Variants in LOC102723971 observed in about 807,000 individuals in gnomAD.
chr9:135,615,466 C>T, the LOC102723971 span: 57 of 398,726 alleles, frequency 1.4e-4, 1 homozygote, highest in African/African-American at 1.1e-3. Flanking sequence ...GGACCAGGGA[C>T]GGCGGGGACG....
the LOC102723971 span, chr9:135,616,709 C>A: frequency 2.5e-6 from 1 of 398,616 alleles, no homozygotes; most frequent in Non-Finnish European, 4.4e-6. Flanking sequence ...TGGGGAGGGG[C>A]GAGCAAGGGG....
chr9:135,617,687 A>C, the LOC102723971 span, among the ~76,000 whole-genome samples: 23,791 of 152,014 alleles, frequency 0.16, 1,932 homozygotes, highest in East Asian at 0.18. Context: ...GGGGCATTTT[A>C]CCTGCCGTGC....
At chr9:135,614,649 C>A in the LOC102723971 span, among the ~76,000 whole-genome samples, 2 of 152,120 alleles carry the variant, frequency 1.3e-5, no homozygotes, top group South Asian at 2.1e-4. Flanking sequence ...GGGCGGCAGC[C>A]GGAGAAACAG....
At chr9:135,616,743 G>C in the LOC102723971 span, 1 of 398,604 alleles carries the variant, frequency 2.5e-6, no homozygotes, top group Non-Finnish European at 4.4e-6. Flanking sequence ...AGTCCCGGCC[G>C]CAACACTCAG....
chr9:135,618,195 C>T, the LOC102723971 span, among the ~76,000 whole-genome samples: 1 of 152,190 alleles, frequency 6.6e-6, no homozygotes, highest in Admixed American at 6.5e-5. Flanking sequence ...CAGGGGCTGC[C>T]GGATCTTACC....
At chr9:135,619,889 C>A in the LOC102723971 span, among the ~76,000 whole-genome samples, 1 of 110,242 alleles carries the variant, frequency 9.1e-6, no homozygotes, top group South Asian at 4.5e-4. Context: ...TCCCCAATCT[C>A]CCCCGTCTCC....
the LOC102723971 span, among the ~76,000 whole-genome samples, chr9:135,615,680 G>A: frequency 5.3e-5 from 8 of 152,338 alleles, no homozygotes; most frequent in South Asian, 2.1e-4. Flanking sequence ...CACACAGCCC[G>A]GCCCCGGAGG....
At chr9:135,619,374 C>A in the LOC102723971 span, among the ~76,000 whole-genome samples, 1 of 152,126 alleles carries the variant, frequency 6.6e-6, no homozygotes, top group Admixed American at 6.5e-5. Flanking sequence ...GCCTCCGATG[C>A]ACCCCCCTCC....
chr9:135,615,887 G>C, the LOC102723971 span, among the ~76,000 whole-genome samples: 1 of 152,232 alleles, frequency 6.6e-6, no homozygotes, highest in African/African-American at 2.4e-5. Flanking sequence ...AGGGAATCCC[G>C]AGGACGGCTG....
chr9:135,619,427 G>A, the LOC102723971 span, among the ~76,000 whole-genome samples: 1 of 152,020 alleles, frequency 6.6e-6, no homozygotes, highest in Non-Finnish European at 1.5e-5. Context: ...TCAGGAACAT[G>A]ACCCCACGGA....
the LOC102723971 span, chr9:135,617,887 G>A: frequency 1.5e-5 from 6 of 398,312 alleles, no homozygotes; most frequent in Non-Finnish European, 2.7e-5. Context: ...AGAGGAGGAG[G>A]AGGACAGAAA....
At chr9:135,618,123 A>G in the LOC102723971 span, 1 of 397,952 alleles carries the variant, frequency 2.5e-6, no homozygotes, top group Non-Finnish European at 4.4e-6. Flanking sequence ...CTTCCCAGCC[A>G]GCACCACTGA....
the LOC102723971 span, chr9:135,617,853 C>T: frequency 2.5e-6 from 1 of 397,390 alleles, no homozygotes; most frequent in Admixed American, 4.4e-5. Context: ...TGCCCAGGGC[C>T]TCTGCCTCCC....
At chr9:135,619,238 C>T in the LOC102723971 span, among the ~76,000 whole-genome samples, 1 of 152,222 alleles carries the variant, frequency 6.6e-6, no homozygotes, top group African/African-American at 2.4e-5. Context: ...TGTGCCCCAG[C>T]CTGGCCTGTG....
the LOC102723971 span, among the ~76,000 whole-genome samples, chr9:135,619,495 G>C: frequency 1.3e-5 from 2 of 152,042 alleles, no homozygotes; most frequent in Non-Finnish European, 2.9e-5. Context: ...GGGTCTGCTG[G>C]GGACCCTCCA....
chr9:135,615,802 C>T, the LOC102723971 span, among the ~76,000 whole-genome samples: 2 of 152,136 alleles, frequency 1.3e-5, no homozygotes, highest in Non-Finnish European at 2.9e-5. Flanking sequence ...TTGAAAGTTG[C>T]CTCATTCCCA....
chr9:135,615,827 A>C, the LOC102723971 span, among the ~76,000 whole-genome samples: 1 of 152,012 alleles, frequency 6.6e-6, no homozygotes, highest in Non-Finnish European at 1.5e-5. Flanking sequence ...CCCTCTCCCA[A>C]GGACCACAGC....
At chr9:135,616,632 C>A in the LOC102723971 span, 1 of 398,770 alleles carries the variant, frequency 2.5e-6, no homozygotes, top group Non-Finnish European at 4.4e-6. Flanking sequence ...TCCATCCAAC[C>A]CAGTTGCAAG....
At chr9:135,617,964 A>G in the LOC102723971 span, 1 of 398,828 alleles carries the variant, frequency 2.5e-6, no homozygotes. Flanking sequence ...AGAATGCTGG[A>G]GGACCCCAAA....
Sources: gnomAD v4.1 joint callset for allele counts (sites outside exome capture counted in the v4.1 genomes callset) on GRCh38, gnomAD v4.1.1 for gene constraint, MANE v1.5 for transcripts.